Variants in MAP1S observed in about 807,000 individuals in gnomAD.
The protein encoded by MAP1S is microtubule associated protein 1S.
A neutral mutation model predicts 60.9 loss-of-function variants in MAP1S; 27 were observed. The ratio of observed to expected loss-of-function variants is 0.44; its 90% CI spans 0.33 to 0.61. MAP1S has a LOEUF of 0.61. Among genes scored for constraint, MAP1S ranks in the 20% least tolerant of loss-of-function variants. The pLI is 0.03. For synonymous variants in MAP1S, 826 were observed against 694.2 expected, an observed-to-expected ratio of 1.19 and a Z score of -2.98; for missense variants, 1,608 against 1,486.6, an observed-to-expected ratio of 1.08 and a Z score of -1.34.
At chr19:17,734,102 G>C (rs1309959017) in intron 6 of MAP1S, among the ~76,000 whole-genome samples, 171 bp from the exon 7 acceptor site, 1 of 152,124 alleles carries the variant, frequency 6.6e-6, no homozygotes, top group Admixed American at 6.5e-5. Flanking sequence ...CCTCACAGAC[G>C]GGCTGACCAC....
chr19:17,726,853 C>T lies in MAP1S; in HGVS notation c.1469C>T (p.Thr490Ile), dbSNP rs1241067981. ...DSSKREGLLA[T>I]HPRPGQERPG... ...TCGAAGAGAGAGGGCCTCCTGGCCA[C>T]CCACCCTAGACCTGGCCAGGAGCGC... The change falls in exon 5 of 7, where the codon ACC becomes ATC. Residue 490 changes from threonine to isoleucine, a missense_variant. Physicochemically the swap from Thr to Ile is moderately conservative, Grantham distance 89. Transcript: ENST00000324096. 7.7e-6 allele frequency: 12 copies of T among 1,554,394 alleles called. No homozygotes were observed. Among genetic ancestry groups the T allele is most frequent in the Non-Finnish European group, 1.0e-5 (12 of 1,149,616 alleles).
chr19:17,726,073 C>G lies in MAP1S; in HGVS notation c.689C>G (p.Pro230Arg), dbSNP rs770784750. The stretch of plus-strand genomic sequence containing the variant: ...TCCCCCTTCGAGCTGCTGGAGCCCC[C>G]GACCTCCGGGGGCTTCCTCAGGCTG... ...PPSPFELLEPPTSGGFLRLGR... is the reference protein window; with the variant it reads ...PPSPFELLEPRTSGGFLRLGR... Residue 230 changes from proline to arginine, a missense_variant, in exon 5 of 7, where the codon CCG (proline) becomes CGG (arginine). By Grantham distance (103) the Pro-to-Arg change is moderately radical. Around this residue, in one of 4 missense-constraint regions of MAP1S, gnomAD observed 320 missense variants for 393.1 expected, o/e 0.81. Transcript: ENST00000324096. The G allele has an allele frequency of 1.9e-6, 3 of 1,613,696 alleles. No individual in the cohort carries two copies. Among genetic ancestry groups the G allele is most frequent in the Non-Finnish European group, 2.5e-6 (3 of 1,179,912 alleles).
intron 6 of MAP1S, 71 bp downstream of exon 6, chr19:17,733,499 CAG>C (rs1290827663): frequency 2.6e-5 from 34 of 1,295,172 alleles, no homozygotes; most frequent in Non-Finnish European, 3.4e-5. Flanking sequence ...CCTCGACCCT[CAG>C]AGACTAAGCT....
In MAP1S at chr19:17,725,168, C is replaced by T. The variant is rs754265744; in HGVS notation, c.423C>T (p.Leu141=). 1.2e-6 allele frequency: 2 copies of T among 1,613,638 alleles called. No individual in the cohort carries two copies. The highest frequency in any genetic ancestry group is 1.7e-6 in the Non-Finnish European group (2 of 1,179,756). ...GGGGCTTCTCGCCTCACCACTTCCTCCAGGTCCTGAAGGACAGAGAGGTAA... is the reference window on the plus strand; with the variant it reads ...GGGGCTTCTCGCCTCACCACTTCCTTCAGGTCCTGAAGGACAGAGAGGTAA... ...QTGGFSPHHF[L]QVLKDREIRD... The change falls in exon 4 of 7, where the codon CTC becomes CTT. Residue 141 remains leucine, a synonymous_variant. Coordinates refer to ENST00000324096, the MANE Select transcript of MAP1S (RefSeq NM_018174.6). This position sits in a 1 kb window ranked among gnomAD's most constrained non-coding sequence, Gnocchi z 4.2.
Position 17,725,907 on chromosome 19 carries a change from T to TG in MAP1S, c.526dup (p.Ala176GlyfsTer30), listed in dbSNP as rs1235157879. On this transcript the variant is annotated frameshift_variant, in exon 5 of 7. Transcript: ENST00000324096. LOFTEE classifies it high-confidence loss of function. This position sits in a 1 kb window ranked among gnomAD's most constrained non-coding sequence, Gnocchi z 4.2. ...CATCACCTGCCCCACCTTCGGTGACTGGGCTCAGCTGGCACCCGCTGTGCC... is the reference window on the plus strand; with the variant it reads ...CATCACCTGCCCCACCTTCGGTGACTGGGGCTCAGCTGGCACCCGCTGTGCC... The TG allele has an allele frequency of 6.2e-7, 1 of 1,613,808 alleles. No individual in the cohort carries two copies. Among genetic ancestry groups the TG allele is most frequent in the Admixed American group, 1.7e-5 (1 of 60,020 alleles).
At chr19:17,722,997 C>T (rs1042544013) in intron 2 of MAP1S, among the ~76,000 whole-genome samples, 7 of 152,076 alleles carry the variant, frequency 4.6e-5, no homozygotes, top group African/African-American at 9.7e-5. Context: ...TACCCTGGTC[C>T]GGGTTGGCCC....
intron 5 of MAP1S, 73 bp from the exon 6 acceptor site, chr19:17,733,119 AG>A (rs2080506155): frequency 1.0e-6 from 1 of 978,724 alleles, no homozygotes; most frequent in Non-Finnish European, 1.5e-6. Context: ...TGAGTGGTGC[AG>A]GTCGAACTTG....
Position 17,727,877 on chromosome 19 carries a change from C to T in MAP1S, c.2493C>T (p.Pro831=). 2 of 1,613,168 alleles carry T rather than the reference C, an allele frequency of 1.2e-6. No individual in the cohort carries two copies. The highest frequency in any genetic ancestry group is 1.7e-6 in the Non-Finnish European group (2 of 1,179,728). The change falls in exon 5 of 7, where the codon CCC becomes CCT. Residue 831 remains proline (P), a synonymous_variant. Coordinates refer to ENST00000324096, the MANE Select transcript of MAP1S (RefSeq NM_018174.6). This position sits in a 1 kb window ranked among gnomAD's most constrained non-coding sequence, Gnocchi z 4.1. ...CTTTGCCTGACCCCCTCAAGGTCCC[C>T]CCACCACTGCCTGACCCATCCAGCA... ...HDPLPDPLKV[P]PPLPDPSSIC... is the part of the protein sequence containing the mutation.
intron 1 of MAP1S, chr19:17,720,126 C>A: frequency 7.9e-7 from 1 of 1,268,392 alleles, no homozygotes; most frequent in Non-Finnish European, 9.9e-7. Context: ...CGGGTGCGGC[C>A]TGCCCTGGGG....
intron 5 of MAP1S, among the ~76,000 whole-genome samples, chr19:17,729,982 T>A (rs1226736527): frequency 6.6e-6 from 1 of 152,018 alleles, no homozygotes; most frequent in Non-Finnish European, 1.5e-5. Flanking sequence ...AATTTTAAAA[T>A]TTTTCAGTAG....
At chr19:17,731,162 TAA>T (rs949410913) in intron 5 of MAP1S, among the ~76,000 whole-genome samples, 4 of 152,152 alleles carry the variant, frequency 2.6e-5, no homozygotes, top group Non-Finnish European at 4.4e-5. Context: ...CCCAGAGTAC[TAA>T]GATTATAGAT....
intron 1 of MAP1S, chr19:17,720,461 G>A: frequency 6.5e-7 from 1 of 1,531,872 alleles, no homozygotes; most frequent in Non-Finnish European, 8.7e-7. Flanking sequence ...CAAAGCGAGT[G>A]AGGAGATGGA....
intron 1 of MAP1S, chr19:17,720,568 G>A (rs1599450951): frequency 7.1e-7 from 1 of 1,406,318 alleles, no homozygotes; most frequent in Non-Finnish European, 9.4e-7. Context: ...TGAGGGGGAA[G>A]GGCCCCCTGG....
At chr19:17,720,074 G>A in intron 1 of MAP1S, 2 of 1,117,282 alleles carry the variant, frequency 1.8e-6, no homozygotes, top group Non-Finnish European at 2.2e-6. Flanking sequence ...CCCGGGGCCC[G>A]CTTTCTGTTG....
rs1057257306 is a variant in MAP1S at position 17,724,038 on chromosome 19, C to G, written c.221-88C>G. The G allele has an allele frequency of 7.3e-6, 7 of 964,780 alleles. No individual in the cohort carries two copies. The African/African-American group carries it at 1.1e-4, about 15-fold the overall frequency. 59.8% of individuals were successfully genotyped at this position (964,780 alleles called of 1,614,324 possible). ...GCGCCTGTTAATCTCCATATGATCC[C>G]TGGGTGGGTTCCCAGAGGGGTTCAT... On this transcript the variant is annotated intron_variant, in intron 2 of 6. Coordinates refer to ENST00000324096, the MANE Select transcript of MAP1S (RefSeq NM_018174.6).
intron 1 of MAP1S, chr19:17,720,647 G>A (rs979473517): frequency 1.2e-6 from 1 of 814,916 alleles, no homozygotes; most frequent in Non-Finnish European, 1.9e-6. Context: ...TTGCAAGGGC[G>A]GTGAGTGGAA....
In MAP1S at chr19:17,725,241, G is replaced by C. The variant is rs2080407278; in HGVS notation, c.444+52G>C. 1 of 1,565,330 alleles carries C rather than the reference G, an allele frequency of 6.4e-7. No individual in the cohort carries two copies. The highest frequency in any genetic ancestry group is 8.7e-7 in the Non-Finnish European group (1 of 1,155,740). On this transcript the variant is annotated intron_variant, in intron 4 of 6. Transcript: ENST00000324096. The surrounding 1 kb of genome is among the most constrained non-coding windows in gnomAD (Gnocchi z 4.2). Reference sequence around the variant, plus strand: ...CTTCCCCAGCTCTGAATCCTGACTGGGGTGTATCAGGCTGTGTGGCACCAG... The same window carrying C: ...CTTCCCCAGCTCTGAATCCTGACTGCGGTGTATCAGGCTGTGTGGCACCAG...
At position 17,727,133 on chromosome 19, in the gene MAP1S, G is replaced by A. The variant is rs368260900; in HGVS notation, c.1749G>A (p.Pro583=). The A allele has an allele frequency of 3.1e-6, 5 of 1,592,722 alleles. No homozygotes were observed. The highest frequency in any genetic ancestry group is 4.5e-5 in the East Asian group (2 of 44,000). The change falls in exon 5 of 7, where the codon CCG becomes CCA. Residue 583 remains proline (P), a synonymous_variant. Transcript: ENST00000324096. This position sits in a 1 kb window ranked among gnomAD's most constrained non-coding sequence, Gnocchi z 4.1. ...CGGTGGCAAATGGACCCCGCAGCCC[G>A]CCCAGCCTCCGATGTGGAGAAGCCA... The part of the protein sequence containing the change: ...FPPVANGPRS[P]PSLRCGEASP...
intron 2 of MAP1S, among the ~76,000 whole-genome samples, chr19:17,723,375 C>T (rs765519815): frequency 4.0e-5 from 6 of 149,510 alleles, no homozygotes; most frequent in Non-Finnish European, 5.9e-5. Context: ...GTTAAAACCC[C>T]GTCTCTACTA....
Sources: gnomAD v4.1 joint callset for allele counts (sites outside exome capture counted in the v4.1 genomes callset) on GRCh38, gnomAD v4.1.1 for gene constraint, gnomAD v4.1.1 regional missense constraint, Gnocchi (gnomAD v3.1) non-coding constraint, MANE v1.5 for transcripts, NCBI Gene and HGNC (gene_info 2026-07-23, HGNC 2026-07-21) for gene names.